Variants in KCNH1 observed in about 807,000 individuals in gnomAD.
KCNH1 encodes the protein potassium voltage-gated channel subfamily H member 1, also known as voltage-gated delayed rectifier potassium channel KCNH1.
Under a neutral mutation model 69.2 loss-of-function variants are expected in KCNH1, and 27 were observed. The ratio of observed to expected loss-of-function variants is 0.39; its 90% CI spans 0.29 to 0.54. The LOEUF is 0.54. Ranked by LOEUF, KCNH1 falls within the 20% of genes least tolerant of loss-of-function variation. KCNH1 has a pLI of 0.68. For synonymous variants in KCNH1, 456 were observed against 487.7 expected (o/e 0.93, Z 0.86); for missense variants, 798 against 1,261.6 (o/e 0.63, Z 5.57).
At chr1:211,074,752 G>A (rs954785986) in intron 5 of KCNH1, among the ~76,000 whole-genome samples, 2 of 152,074 alleles carry the variant, frequency 1.3e-5, no homozygotes, top group African/African-American at 4.8e-5. Context: ...AATCTGAATG[G>A]GCCTCATCCA....
At chr1:210,729,108 TAGA>T (rs1381855152) in intron 10 of KCNH1, among the ~76,000 whole-genome samples, 2 of 152,218 alleles carry the variant, frequency 1.3e-5, no homozygotes, top group African/African-American at 2.4e-5. Context: ...AGAAAAGGGT[TAGA>T]AGAAGTAATC....
chr1:210,907,473 C>T (rs200692260), intron 7 of KCNH1, among the ~76,000 whole-genome samples: 2 of 152,020 alleles, frequency 1.3e-5, no homozygotes, highest in East Asian at 3.9e-4. Flanking sequence ...AATGCAGCCC[C>T]ACCCAGTGTC....
In KCNH1 at chr1:211,111,534, C is replaced by T. The variant is rs562191705; in HGVS notation, c.80-4157G>A. ...CGCCAAACTGCTGGTAAGTGAGGAG[C>T]ACCTCTGCCCGGCCCCCCGCCCCGT... On this transcript the variant is annotated intron_variant, in intron 1 of 10. Coordinates refer to ENST00000271751, the MANE Select transcript of KCNH1 (RefSeq NM_172362.3). 2.3e-4 allele frequency among the ~76,000 whole-genome samples: 34 copies of T among 149,220 alleles called. No individual in the cohort carries two copies. The East Asian group carries it at 5.9e-3, about 26-fold the overall frequency.
intron 7 of KCNH1, among the ~76,000 whole-genome samples, chr1:210,904,418 G>T (rs959485345): frequency 2.6e-5 from 4 of 152,020 alleles, no homozygotes; most frequent in Admixed American, 2.6e-4. Context: ...AGTTGGAGAG[G>T]AGAGTTAATA....
chr1:210,764,350 A>G (rs1309843273), intron 10 of KCNH1, among the ~76,000 whole-genome samples: 3 of 152,184 alleles, frequency 2.0e-5, no homozygotes, highest in Non-Finnish European at 4.4e-5. Context: ...AATGCAACAA[A>G]AATTAAAATT....
intron 5 of KCNH1, among the ~76,000 whole-genome samples, chr1:211,023,164 T>A (rs1909954): frequency 0.38 from 44,967 of 117,628 alleles, 7,428 homozygotes; most frequent in East Asian, 0.52. Context: ...ATAAATAAAT[T>A]AAAAATGCTG....
intron 10 of KCNH1, among the ~76,000 whole-genome samples, chr1:210,688,308 G>A (rs139091001): frequency 6.6e-6 from 1 of 152,280 alleles, no homozygotes; most frequent in East Asian, 1.9e-4. Flanking sequence ...TCCAACTGAA[G>A]GGGACCTCTT....
intron 1 of KCNH1, among the ~76,000 whole-genome samples, chr1:211,128,148 G>C (rs1162900600): frequency 6.6e-6 from 1 of 152,006 alleles, no homozygotes; most frequent in Non-Finnish European, 1.5e-5. Flanking sequence ...AATTAGCCAG[G>C]CATGGTGGTG....
intron 5 of KCNH1, among the ~76,000 whole-genome samples, chr1:211,025,313 T>A (rs1259747847): frequency 6.6e-6 from 1 of 152,166 alleles, no homozygotes; most frequent in Non-Finnish European, 1.5e-5. Context: ...TCCCCTATGG[T>A]TGACACCAGC....
In KCNH1 at chr1:211,035,560, C is replaced by T. The variant is rs182635465; in HGVS notation, c.559-16304G>A. 1.2e-3 allele frequency among the ~76,000 whole-genome samples: 182 copies of T among 152,246 alleles called. 2 individuals are homozygous for T. Among genetic ancestry groups the T allele is most frequent in the Non-Finnish European group, 1.8e-3 (124 of 68,020 alleles). ...TTCTAAAATATTTTTATTGCTAGGA[C>T]ATTTTATCAGGATAAATGTGAGACA... On this transcript the variant is annotated intron_variant, in intron 5 of 10. Coordinates refer to ENST00000271751, the MANE Select transcript of KCNH1 (RefSeq NM_172362.3).
chr1:211,112,344 G>A (rs937853538), intron 1 of KCNH1, among the ~76,000 whole-genome samples: 2 of 137,716 alleles, frequency 1.5e-5, no homozygotes, highest in East Asian at 2.3e-4. Context: ...AGCGAGGAGT[G>A]CCTCTGCTTG....
At chr1:210,776,475 G>A (rs1389528673) in intron 9 of KCNH1, among the ~76,000 whole-genome samples, 1 of 152,176 alleles carries the variant, frequency 6.6e-6, no homozygotes, top group Non-Finnish European at 1.5e-5. Context: ...AGGAAGTGAA[G>A]CCTTTGGGAG....
intron 10 of KCNH1, among the ~76,000 whole-genome samples, chr1:210,765,231 C>A (rs1683603208): frequency 6.6e-6 from 1 of 151,764 alleles, no homozygotes. Flanking sequence ...ACAGAAGGGT[C>A]CAAAACTGGG....
intron 6 of KCNH1, among the ~76,000 whole-genome samples, chr1:210,971,928 T>C (rs1330781663): frequency 6.6e-6 from 1 of 152,162 alleles, no homozygotes; most frequent in Non-Finnish European, 1.5e-5. Flanking sequence ...TCCATTATTA[T>C]GTCTTTAACA....
intron 7 of KCNH1, among the ~76,000 whole-genome samples, chr1:210,916,642 T>G (rs12144937): frequency 6.6e-6 from 1 of 152,128 alleles, no homozygotes; most frequent in Non-Finnish European, 1.5e-5. Context: ...GTGAGTTAAC[T>G]TCTGTGAGCC....
At chr1:210,908,802 C>T (rs530661827) in intron 7 of KCNH1, among the ~76,000 whole-genome samples, 179 of 152,308 alleles carry the variant, frequency 1.2e-3, no homozygotes, top group Non-Finnish European at 2.3e-3. Flanking sequence ...CAGACCAGTT[C>T]TGTTTCCCAT....
intron 7 of KCNH1, among the ~76,000 whole-genome samples, chr1:210,878,170 G>C (rs893751110): frequency 6.6e-6 from 1 of 151,944 alleles, no homozygotes; most frequent in Non-Finnish European, 1.5e-5. Flanking sequence ...GGACTGCAAG[G>C]AGAAAAAGAT....
intron 10 of KCNH1, among the ~76,000 whole-genome samples, chr1:210,734,882 A>G (rs1487782666): frequency 1.3e-5 from 2 of 152,268 alleles, no homozygotes; most frequent in African/African-American, 4.8e-5. Flanking sequence ...AGCTATTAAT[A>G]TTAGGATTTA....
intron 9 of KCNH1, among the ~76,000 whole-genome samples, chr1:210,793,502 CT>C (rs1684249432): frequency 6.6e-6 from 1 of 152,208 alleles, no homozygotes; most frequent in Non-Finnish European, 1.5e-5. Context: ...GAAAAACACT[CT>C]TCTTTAAAAT....
Sources: allele counts gnomAD v4.1 joint callset (sites outside exome capture counted in the v4.1 genomes callset), GRCh38; gene constraint gnomAD v4.1.1; transcripts MANE v1.5; gene names NCBI Gene and HGNC (gene_info 2026-07-23, HGNC 2026-07-21).